The following SNTG2 variants were observed in gnomAD, a reference collection of about 807,000 sequenced individuals.
SNTG2 encodes gamma-2-syntrophin.
SNTG2 carries 74 observed loss-of-function variants against 70.9 expected under a neutral mutation model. That is an observed-to-expected ratio of 1.04 (90% CI 0.86 to 1.27). The LOEUF is 1.27. SNTG2 is among the 50% of genes most tolerant of loss of function. SNTG2 has a pLI of 0.00. For missense variants in SNTG2, 717 were observed against 690.7 expected (o/e 1.04, Z -0.43); for synonymous variants, 278 against 273.8 (o/e 1.02, Z -0.15).
At chr2:1,035,609 T>C (rs984845052) in intron 1 of SNTG2, among the ~76,000 whole-genome samples, 1 of 152,236 alleles carries the variant, frequency 6.6e-6, no homozygotes, top group East Asian at 1.9e-4. Context: ...TGTTGGTTGC[T>C]ATATCTTCTT....
Position 1,238,116 on chromosome 2 carries a change from A to G in SNTG2, c.849+99A>G, listed in dbSNP as rs1676805022. ...TGATGATTTATGATTAACCCGAAACAGAAAATCATGTACTTGTTTCAATGT... is the reference window on the plus strand; with the variant it reads ...TGATGATTTATGATTAACCCGAAACGGAAAATCATGTACTTGTTTCAATGT... On this transcript the variant is annotated intron_variant, in intron 10 of 16. Transcript: ENST00000308624. 3.5e-6 allele frequency: 5 copies of G among 1,410,492 alleles called. No homozygotes were observed. In the South Asian group the frequency reaches 6.7e-5, roughly 19 times the overall value. 87.4% of individuals were successfully genotyped at this position (1,410,492 alleles called of 1,614,324 possible). A position where few individuals can be genotyped will look rare whatever the true frequency, so the allele number is the denominator to read the frequency against.
intron 4 of SNTG2, among the ~76,000 whole-genome samples, chr2:1,102,129 C>T (rs74714537): frequency 0.01 from 1,530 of 152,184 alleles, 23 homozygotes; most frequent in African/African-American, 0.035. Context: ...AACACGTGTG[C>T]GATACATTTG....
intron 14 of SNTG2, among the ~76,000 whole-genome samples, chr2:1,279,945 G>A (rs753285098): frequency 6.6e-5 from 10 of 152,146 alleles, no homozygotes; most frequent in Non-Finnish European, 1.3e-4. Context: ...AAGAATTGGT[G>A]TACTTATTTC....
At chr2:1,221,432 T>C (rs1025323690) in intron 9 of SNTG2, among the ~76,000 whole-genome samples, 2 of 134,080 alleles carry the variant, frequency 1.5e-5, no homozygotes, top group African/African-American at 3.1e-5. Context: ...TCTCTGTCTC[T>C]CTCTGTCTCT....
intron 6 of SNTG2, among the ~76,000 whole-genome samples, chr2:1,157,958 G>A (rs569662046): frequency 6.6e-6 from 1 of 152,282 alleles, no homozygotes; most frequent in East Asian, 1.9e-4. Flanking sequence ...ATTGCTCTAG[G>A]CACAAAAGTT....
At chr2:1,306,515 A>G (rs1680673317) in intron 14 of SNTG2, among the ~76,000 whole-genome samples, 1 of 152,224 alleles carries the variant, frequency 6.6e-6, no homozygotes, top group Non-Finnish European at 1.5e-5. Context: ...CTCCCGAGCT[A>G]TGCAGCCACA....
intron 1 of SNTG2, among the ~76,000 whole-genome samples, chr2:1,074,007 T>C (rs886521426): frequency 3.3e-5 from 5 of 152,204 alleles, no homozygotes; most frequent in African/African-American, 1.2e-4. Flanking sequence ...TTTGACAAGA[T>C]AAAGATGTTG....
intron 16 of SNTG2, among the ~76,000 whole-genome samples, chr2:1,339,344 C>T (rs758578941): frequency 1.3e-5 from 2 of 152,168 alleles, no homozygotes; most frequent in Non-Finnish European, 2.9e-5. Flanking sequence ...AAATGTCCTT[C>T]GATGCACGAA....
In SNTG2 at chr2:1,103,794, G is replaced by A. The variant is rs115182986; in HGVS notation, c.325+5384G>A. 5.8e-3 allele frequency among the ~76,000 whole-genome samples: 878 copies of A among 152,214 alleles called. 13 individuals are homozygous for A. Among genetic ancestry groups the A allele is most frequent in the African/African-American group, 0.02 (843 of 41,532 alleles). ...ATTGCAGGCGCACACTCATTGAATCGGTTGTTAGGTTAACAAACGTTATAG... is the reference window on the plus strand; with the variant it reads ...ATTGCAGGCGCACACTCATTGAATCAGTTGTTAGGTTAACAAACGTTATAG... On this transcript the variant is annotated intron_variant, in intron 4 of 16. Transcript: ENST00000308624.
intron 13 of SNTG2, among the ~76,000 whole-genome samples, chr2:1,262,352 C>T (rs1678457027): frequency 6.6e-6 from 1 of 152,162 alleles, no homozygotes; most frequent in South Asian, 2.1e-4. Context: ...TGGGCTCCAT[C>T]CTTCCACAGG....
At chr2:1,154,177 G>A (rs1046732028) in intron 6 of SNTG2, among the ~76,000 whole-genome samples, 4 of 152,004 alleles carry the variant, frequency 2.6e-5, no homozygotes, top group African/African-American at 9.7e-5. Context: ...GGAGAGGCGG[G>A]AGGAGCATGG....
At chr2:1,334,442 G>A (rs903626869) in intron 16 of SNTG2, among the ~76,000 whole-genome samples, 2 of 151,838 alleles carry the variant, frequency 1.3e-5, no homozygotes, top group Admixed American at 1.3e-4. Context: ...CCCACTATTG[G>A]GTATCTACCC....
chr2:1,244,573 C>G (rs944606504), intron 11 of SNTG2, among the ~76,000 whole-genome samples: 9 of 151,198 alleles, frequency 6.0e-5, no homozygotes, highest in Admixed American at 1.3e-4. Flanking sequence ...GCGGGCGCCT[C>G]TGGTCCCAGC....
chr2:1,219,228 G>A (rs894544879), intron 9 of SNTG2, among the ~76,000 whole-genome samples: 4 of 152,082 alleles, frequency 2.6e-5, no homozygotes, highest in Admixed American at 6.5e-5. Context: ...TTTGCCTTCC[G>A]CCATGATTGT....
intron 9 of SNTG2, among the ~76,000 whole-genome samples, chr2:1,236,633 C>T (rs892453659): frequency 1.3e-5 from 2 of 152,210 alleles, no homozygotes; most frequent in African/African-American, 4.8e-5. Flanking sequence ...TGAGAATGAC[C>T]CCTAGACAGG....
chr2:985,079 GATC>G (rs1234625278), intron 1 of SNTG2, among the ~76,000 whole-genome samples: 5 of 152,150 alleles, frequency 3.3e-5, no homozygotes, highest in African/African-American at 1.2e-4. Flanking sequence ...GACAAAATCC[GATC>G]ATCAAGTGTT....
chr2:968,140 G>A (rs1204292058), intron 1 of SNTG2, among the ~76,000 whole-genome samples: 2 of 124,310 alleles, frequency 1.6e-5, no homozygotes, highest in Non-Finnish European at 3.5e-5. Flanking sequence ...TTTATTTCAA[G>A]CGTTTTTTTT....
chr2:1,222,109 C>CTCTCTGTCTCTGTCTCTCTCTCTG lies in SNTG2; in HGVS notation c.719+12890_719+12891insGTCTCTCTCTCTGTCTCTGTCTCT, dbSNP rs1558553591. 4.7e-4 allele frequency among the ~76,000 whole-genome samples: 21 copies of CTCTCTGTCTCTGTCTCTCTCTCTG among 44,566 alleles called. 2 individuals carry two copies. Among genetic ancestry groups the CTCTCTGTCTCTGTCTCTCTCTCTG allele is most frequent in the Admixed American group, 9.3e-4 (4 of 4,306 alleles). 29.2% of individuals were successfully genotyped at this position (44,566 alleles called of 152,430 possible). A position where few individuals can be genotyped will look rare whatever the true frequency, so the allele number is the denominator to read the frequency against. The stretch of plus-strand genomic sequence containing the variant: ...TGTCTCTCTCTGTCTCTCTCTGTCT[C>CTCTCTGTCTCTGTCTCTCTCTCTG]TCTCTGTCTCTCTCTGTCTCTCTCT... On this transcript the variant is annotated intron_variant, in intron 9 of 16. Transcript: ENST00000308624.
intron 6 of SNTG2, among the ~76,000 whole-genome samples, chr2:1,157,505 C>T (rs1669981585): frequency 6.6e-6 from 1 of 152,160 alleles, no homozygotes. Flanking sequence ...AGAAAAAGTC[C>T]AGGGCTGTGC....
Sources: gnomAD v4.1 joint callset for allele counts (sites outside exome capture counted in the v4.1 genomes callset) on GRCh38, gnomAD v4.1.1 for gene constraint, MANE v1.5 for transcripts, NCBI Gene and HGNC (gene_info 2026-07-23, HGNC 2026-07-21) for gene names.